The following WIPF3 variants were observed in gnomAD, a reference collection of about 807,000 sequenced individuals.
WIPF3 encodes WAS/WASL interacting protein family member 3, also known as WAS/WASL-interacting protein family member 3.
A neutral mutation model predicts 38.9 loss-of-function variants in WIPF3; 33 were observed. That is an observed-to-expected ratio of 0.85 (90% CI 0.64 to 1.14). WIPF3 has a LOEUF of 1.14. WIPF3 is among the 50% of genes most tolerant of loss of function. The pLI is 0.00. For missense variants in WIPF3, 711 were observed against 652.5 expected (o/e 1.09, Z -0.98); for synonymous variants, 324 against 269.3 (o/e 1.20, Z -1.99).
chr7:29,903,353 T>C (rs1170017102), intron 7 of WIPF3, among the ~76,000 whole-genome samples: 1 of 152,108 alleles, frequency 6.6e-6, no homozygotes, highest in Non-Finnish European at 1.5e-5. Context: ...TACTCCATCA[T>C]GTAATACTGA....
At chr7:29,872,798 C>CAA (rs61693654) in intron 2 of WIPF3, among the ~76,000 whole-genome samples, 2,715 of 31,012 alleles carry the variant, frequency 0.088, 719 homozygotes, top group African/African-American at 0.14. Context: ...GACTCCATCT[C>CAA]AAAAAAAAAA....
intron 1 of WIPF3, among the ~76,000 whole-genome samples, chr7:29,811,254 T>G (rs868822697): frequency 1.1e-4 from 17 of 148,976 alleles, no homozygotes; most frequent in African/African-American, 3.0e-4. Flanking sequence ...AATTAGCCAT[T>G]ATGATGATGA....
At chr7:29,889,503 A>G (rs1785962830) in intron 7 of WIPF3, 96 bp downstream of exon 7, 2 of 899,370 alleles carry the variant, frequency 2.2e-6, no homozygotes. Context: ...CTAAAGGATG[A>G]TGTCATGATT....
At chr7:29,868,429 A>G (rs1050055266) in intron 2 of WIPF3, among the ~76,000 whole-genome samples, 2 of 152,024 alleles carry the variant, frequency 1.3e-5, no homozygotes, top group Non-Finnish European at 2.9e-5. Flanking sequence ...TTTAAAAACG[A>G]TCATTTGAAG....
At chr7:29,840,665 G>A (rs769540040) in intron 2 of WIPF3, among the ~76,000 whole-genome samples, 1 of 152,152 alleles carries the variant, frequency 6.6e-6, no homozygotes, top group Non-Finnish European at 1.5e-5. Context: ...TATATTTGAA[G>A]GTAGAAAGCA....
chr7:29,904,384 T>C, intron 8 of WIPF3, 22 bp downstream of exon 8: 1 of 1,611,464 alleles, frequency 6.2e-7, no homozygotes, highest in Non-Finnish European at 8.5e-7. Flanking sequence ...CTCATGTCTC[T>C]GAATGTAAAA....
intron 2 of WIPF3, among the ~76,000 whole-genome samples, chr7:29,856,918 A>G (rs1055351317): frequency 2.6e-5 from 4 of 152,154 alleles, no homozygotes; most frequent in African/African-American, 9.7e-5. Context: ...AGTTACTCTA[A>G]TGTCTATTTT....
intron 1 of WIPF3, among the ~76,000 whole-genome samples, chr7:29,815,517 C>T (rs894558998): frequency 1.3e-5 from 2 of 152,028 alleles, no homozygotes; most frequent in Admixed American, 1.3e-4. Context: ...TGACAGTATC[C>T]GTATGAATTA....
At chr7:29,875,592 T>C (rs1785575068) in intron 2 of WIPF3, among the ~76,000 whole-genome samples, 2 of 152,094 alleles carry the variant, frequency 1.3e-5, no homozygotes, top group South Asian at 4.2e-4. Flanking sequence ...CTCCAGGAGC[T>C]TGTGCACAAG....
chr7:29,837,383 A>G (rs930683615), intron 2 of WIPF3, among the ~76,000 whole-genome samples: 6 of 152,344 alleles, frequency 3.9e-5, no homozygotes, highest in Admixed American at 1.3e-4. Context: ...AACAAATGAA[A>G]AACACATTTT....
At chr7:29,907,149 G>GT (rs1156825658) in intron 8 of WIPF3, among the ~76,000 whole-genome samples, 3 of 152,264 alleles carry the variant, frequency 2.0e-5, no homozygotes, top group Admixed American at 2.0e-4. Flanking sequence ...ACAACAGTTT[G>GT]TAACTATACT....
At chr7:29,899,817 C>T in intron 7 of WIPF3, among the ~76,000 whole-genome samples, 1 of 152,102 alleles carries the variant, frequency 6.6e-6, no homozygotes, top group East Asian at 1.9e-4. Flanking sequence ...ATAAAATCTA[C>T]ATTTTGTAAA....
rs556615096 is a variant in WIPF3 at position 29,841,027 on chromosome 7, A to G, written c.90+6213A>G. Among the ~76,000 whole-genome samples the G allele has an allele frequency of 5.3e-5, 8 of 152,260 alleles. No individual in the cohort carries two copies. In the East Asian group the frequency reaches 1.5e-3, roughly 29 times the overall value. On this transcript the variant is annotated intron_variant, in intron 2 of 8. Transcript: ENST00000242140. The stretch of plus-strand genomic sequence containing the variant: ...GGGTTTTGCCAAAACTGGATTTTAC[A>G]AGGGAGTGCACAGATGGGCCTGGGA...
intron 5 of WIPF3, among the ~76,000 whole-genome samples, 160 bp from the exon 6 acceptor site, chr7:29,887,908 A>G (rs919982114): frequency 5.9e-5 from 9 of 152,212 alleles, no homozygotes; most frequent in South Asian, 2.1e-4. Flanking sequence ...CCAACAGGAG[A>G]ACTGCAATTC....
Position 29,823,017 on chromosome 7 carries a change from G to T in WIPF3, c.-57-11651G>T, listed in dbSNP as rs1359122554. Among the ~76,000 whole-genome samples, 1 of 152,050 alleles carries T rather than the reference G, an allele frequency of 6.6e-6. No homozygotes were observed. The highest frequency in any genetic ancestry group is 1.5e-5 in the Non-Finnish European group (1 of 68,006). On this transcript the variant is annotated intron_variant, in intron 1 of 8. Coordinates refer to ENST00000242140, the MANE Select transcript of WIPF3 (RefSeq NM_001080529.3). This position sits in a 1 kb window ranked among gnomAD's most constrained non-coding sequence, Gnocchi z 4.0. ...ACATTTGGAAAAACTTTGTTTTTTG[G>T]ACAGGATCATATGCAATTTTAAATT... is the stretch of plus-strand genomic sequence containing the variant.
chr7:29,875,655 A>G (rs1054483249), intron 2 of WIPF3, among the ~76,000 whole-genome samples, 175 bp from the exon 3 acceptor site: 1 of 152,192 alleles, frequency 6.6e-6, no homozygotes, highest in Non-Finnish European at 1.5e-5. Context: ...CTAGGTCACC[A>G]GGAAAAGAGG....
At chr7:29,811,041 A>G (rs1784366119) in intron 1 of WIPF3, among the ~76,000 whole-genome samples, 2 of 151,216 alleles carry the variant, frequency 1.3e-5, no homozygotes, top group Admixed American at 1.3e-4. Flanking sequence ...GGCACGTGCC[A>G]CCATGCCCGG....
intron 2 of WIPF3, among the ~76,000 whole-genome samples, chr7:29,875,375 A>C (rs1252956987): frequency 1.3e-5 from 2 of 152,178 alleles, no homozygotes; most frequent in African/African-American, 2.4e-5. Context: ...TCAGCAGAAC[A>C]GTCCAGGGGA....
At chr7:29,859,350 A>T (rs1045859341) in intron 2 of WIPF3, among the ~76,000 whole-genome samples, 3 of 152,220 alleles carry the variant, frequency 2.0e-5, no homozygotes, top group African/African-American at 7.2e-5. Context: ...ATCAAAGGCC[A>T]TCTGAGGGCC....
Sources: gnomAD v4.1 joint callset for allele counts (sites outside exome capture counted in the v4.1 genomes callset) on GRCh38, gnomAD v4.1.1 for gene constraint, Gnocchi (gnomAD v3.1) non-coding constraint, MANE v1.5 for transcripts, NCBI Gene and HGNC (gene_info 2026-07-23, HGNC 2026-07-21) for gene names.